TENM3: variants seen among roughly 807,000 people sequenced by gnomAD.
TENM3 encodes teneurin transmembrane protein 3.
In TENM3, 63 loss-of-function variants were observed where a neutral mutation model predicts 255.1. The observed-to-expected ratio is 0.25, with a 90% CI of 0.20 to 0.30. The LOEUF (loss-of-function observed/expected upper bound fraction) is 0.30. TENM3 is among the 10% of genes least tolerant of loss of function. TENM3 has a pLI of 1.00. For missense variants in TENM3, 2,929 were observed against 3,461.1 expected (o/e 0.85, Z 3.86); for synonymous variants, 1,306 against 1,322.3 (o/e 0.99, Z 0.27).
At chr4:181,691,452 G>A in the TENM3 span, among the ~76,000 whole-genome samples, 9 of 152,166 alleles carry the variant, frequency 5.9e-5, no homozygotes, top group Middle Eastern at 3.4e-3. Context: ...AGAGGATGTA[G>A]AAAGTGAATG....
upstream of TENM3, chr4:182,143,826 T>A (rs1454859702): frequency 6.6e-6 from 1 of 152,420 alleles, no homozygotes; most frequent in Non-Finnish European, 1.5e-5. This position sits in a 1 kb window ranked among gnomAD's most constrained non-coding sequence, Gnocchi z 4.3. Context: ...CAGCGTGAAG[T>A]GTTATTCACG....
At chr4:182,036,486 C>T in the TENM3 span, among the ~76,000 whole-genome samples, 10 of 152,150 alleles carry the variant, frequency 6.6e-5, no homozygotes, top group Admixed American at 1.3e-4. Context: ...CCACCGCACC[C>T]GGCCGATAAT....
At chr4:182,573,797 T>A (rs1346525791) in intron 3 of TENM3, among the ~76,000 whole-genome samples, 1 of 152,156 alleles carries the variant, frequency 6.6e-6, no homozygotes, top group Non-Finnish European at 1.5e-5. Context: ...TTCCCAAATG[T>A]TATGTTTTAT....
Position 182,264,529 on chromosome 4 carries a change from C to T in TENM3, c.-76+21053C>T, listed in dbSNP as rs189533909. 2.8e-3 allele frequency among the ~76,000 whole-genome samples: 419 copies of T among 152,304 alleles called. 3 individuals are homozygous for T. Among genetic ancestry groups the T allele is most frequent in the Non-Finnish European group, 4.0e-3 (273 of 68,020 alleles). On this transcript the variant is annotated intron_variant, in intron 1 of 27. Coordinates refer to ENST00000511685, the MANE Select transcript of TENM3 (RefSeq NM_001080477.4). ...ATCTCAAAATTAACTACTCTAGACT[C>T]CTTCTGGGAAAAAAGACAGAGACTG...
At chr4:182,755,408 G>A in intron 22 of TENM3, 149 bp downstream of exon 22, 2 of 744,158 alleles carry the variant, frequency 2.7e-6, no homozygotes, top group Admixed American at 3.2e-5. Flanking sequence ...TGGGCACGGT[G>A]GCTCATTCCC....
the TENM3 span, among the ~76,000 whole-genome samples, chr4:181,553,328 A>ATT: frequency 1.6e-5 from 2 of 124,722 alleles, no homozygotes; most frequent in Non-Finnish European, 3.6e-5. Flanking sequence ...GCGTATATAT[A>ATT]TATATATACA....
chr4:181,642,597 G>T, the TENM3 span, among the ~76,000 whole-genome samples: 5 of 152,156 alleles, frequency 3.3e-5, no homozygotes, highest in Admixed American at 1.3e-4. Context: ...GATTTTTATG[G>T]TTTTAGGTCT....
chr4:181,562,017 G>A, the TENM3 span, among the ~76,000 whole-genome samples: 5 of 151,998 alleles, frequency 3.3e-5, no homozygotes, highest in Non-Finnish European at 7.4e-5. Context: ...TTGTGACGTT[G>A]ATCACTTTTA....
At chr4:181,571,132 C>A in the TENM3 span, among the ~76,000 whole-genome samples, 1 of 152,088 alleles carries the variant, frequency 6.6e-6, no homozygotes, top group Non-Finnish European at 1.5e-5. Flanking sequence ...GGTGCTGTTC[C>A]TCAATTGTGT....
the TENM3 span, among the ~76,000 whole-genome samples, chr4:181,683,485 A>G: frequency 1.3e-5 from 2 of 152,104 alleles, no homozygotes; most frequent in African/African-American, 4.8e-5. Context: ...TCACTCCCAG[A>G]TTTTCTTATT....
chr4:182,066,854 T>C, the TENM3 span, among the ~76,000 whole-genome samples: 1 of 152,012 alleles, frequency 6.6e-6, no homozygotes, highest in Non-Finnish European at 1.5e-5. Context: ...GAGCTTGCAG[T>C]GAGCCGAGAT....
the TENM3 span, among the ~76,000 whole-genome samples, chr4:181,825,988 A>G: frequency 6.6e-6 from 1 of 152,214 alleles, no homozygotes; most frequent in South Asian, 2.1e-4. Context: ...CAGGACCAAC[A>G]CTTGCCAACT....
At chr4:182,321,069 A>G (rs1461770200) in intron 1 of TENM3, among the ~76,000 whole-genome samples, 1 of 152,228 alleles carries the variant, frequency 6.6e-6, no homozygotes, top group Non-Finnish European at 1.5e-5. Context: ...TGCTCGAATT[A>G]TATTTTTCTG....
chr4:181,766,999 T>C, the TENM3 span, among the ~76,000 whole-genome samples: 1 of 150,666 alleles, frequency 6.6e-6, no homozygotes, highest in Admixed American at 6.6e-5. Flanking sequence ...ACGCCTGTAA[T>C]CCCAGCACTT....
chr4:182,589,538 A>G (rs1746387436), intron 3 of TENM3, among the ~76,000 whole-genome samples: 1 of 151,606 alleles, frequency 6.6e-6, no homozygotes, highest in Non-Finnish European at 1.5e-5. Context: ...GGGGAAGACA[A>G]ATTGCTGCTT....
intron 3 of TENM3, among the ~76,000 whole-genome samples, chr4:182,486,786 T>A (rs919931903): frequency 1.3e-5 from 2 of 152,166 alleles, no homozygotes; most frequent in African/African-American, 4.8e-5. Flanking sequence ...TGTAAAGGGC[T>A]AAGCTTAATA....
chr4:182,541,104 A>T (rs536934402), intron 3 of TENM3, among the ~76,000 whole-genome samples: 11 of 152,344 alleles, frequency 7.2e-5, no homozygotes, highest in African/African-American at 2.6e-4. Flanking sequence ...GCTCAACTTC[A>T]AACAGTTGGT....
At chr4:181,601,003 T>C in the TENM3 span, among the ~76,000 whole-genome samples, 1 of 152,080 alleles carries the variant, frequency 6.6e-6, no homozygotes, top group East Asian at 1.9e-4. Context: ...TGCATTTCCA[T>C]GTTTGAGATT....
chr4:182,433,868 C>T (rs1191028196), intron 3 of TENM3, among the ~76,000 whole-genome samples: 3 of 152,032 alleles, frequency 2.0e-5, no homozygotes, highest in Non-Finnish European at 2.9e-5. Context: ...GTAATCCCAG[C>T]TCTTTGGGAG....
Sources: allele counts gnomAD v4.1 joint callset (sites outside exome capture counted in the v4.1 genomes callset), GRCh38; gene constraint gnomAD v4.1.1; non-coding constraint Gnocchi (gnomAD v3.1); transcripts MANE v1.5; gene names NCBI Gene and HGNC (gene_info 2026-07-23, HGNC 2026-07-21).